ADGRL2: variants seen among roughly 807,000 people sequenced by gnomAD.
The protein encoded by ADGRL2 is adhesion G protein-coupled receptor L2.
A neutral mutation model predicts 157.4 loss-of-function variants in ADGRL2; 44 were observed. That is an observed-to-expected ratio of 0.28 (90% CI 0.22 to 0.36). The LOEUF is 0.36. Ranked by LOEUF, ADGRL2 falls within the 10% of genes least tolerant of loss-of-function variation. The pLI is 1.00. For missense variants in ADGRL2, 1,510 were observed against 1,768.9 expected (o/e 0.85, Z 2.63); for synonymous variants, 585 against 624.7 (o/e 0.94, Z 0.95).
At chr1:81,587,956 A>G (rs548633383) in intron 3 of ADGRL2, among the ~76,000 whole-genome samples, 61 of 152,258 alleles carry the variant, frequency 4.0e-4, no homozygotes, top group Middle Eastern at 3.4e-3. Context: ...ACATGTTTCC[A>G]GTATAGTTAA....
At chr1:81,406,648 C>T (rs542592847) in intron 1 of ADGRL2, among the ~76,000 whole-genome samples, 1 of 152,306 alleles carries the variant, frequency 6.6e-6, no homozygotes, top group South Asian at 2.1e-4. Context: ...TCAACCATTG[C>T]TATTGATATT....
chr1:81,588,060 G>T (rs1287805762), intron 3 of ADGRL2, among the ~76,000 whole-genome samples: 1 of 152,090 alleles, frequency 6.6e-6, no homozygotes, highest in East Asian at 1.9e-4. Context: ...GTGCTCTTGG[G>T]TGGAGGGAAA....
intron 1 of ADGRL2, among the ~76,000 whole-genome samples, chr1:81,440,578 G>C (rs1201313064): frequency 6.6e-6 from 1 of 152,106 alleles, no homozygotes; most frequent in Non-Finnish European, 1.5e-5. Flanking sequence ...AAAATTTCTA[G>C]TTCTAGTTTC....
chr1:81,584,261 A>C (rs567720653), intron 3 of ADGRL2, among the ~76,000 whole-genome samples: 2 of 152,292 alleles, frequency 1.3e-5, no homozygotes, highest in South Asian at 4.2e-4. Flanking sequence ...CTTATTAGCA[A>C]ATAACCCTCA....
At chr1:81,538,000 G>A (rs181935768) in intron 2 of ADGRL2, among the ~76,000 whole-genome samples, 55 of 152,092 alleles carry the variant, frequency 3.6e-4, no homozygotes, top group Middle Eastern at 3.4e-3. Context: ...ATGCCCGGCC[G>A]TGTCTCCTTG....
At chr1:81,601,067 A>G (rs940691165) in intron 3 of ADGRL2, among the ~76,000 whole-genome samples, 2 of 152,216 alleles carry the variant, frequency 1.3e-5, no homozygotes, top group South Asian at 4.1e-4. Context: ...AGAGGAGGGC[A>G]TGACTAGCAA....
chr1:81,925,786 T>C (rs759174610), intron 3 of ADGRL2, among the ~76,000 whole-genome samples: 12 of 152,156 alleles, frequency 7.9e-5, no homozygotes, highest in Non-Finnish European at 1.2e-4. Flanking sequence ...GTGGAAATTA[T>C]ATTAGTTATC....
At chr1:81,731,962 C>T (rs2084740915) in intron 1 of ADGRL2, among the ~76,000 whole-genome samples, 1 of 152,192 alleles carries the variant, frequency 6.6e-6, no homozygotes, top group Non-Finnish European at 1.5e-5. Context: ...GCTATCCAAA[C>T]ATTGTTCCAA....
intron 1 of ADGRL2, among the ~76,000 whole-genome samples, chr1:81,748,122 G>A (rs1319387027): frequency 2.0e-5 from 3 of 151,800 alleles, no homozygotes; most frequent in Non-Finnish European, 2.9e-5. Flanking sequence ...TATTATAATG[G>A]TATCATTGGA....
chr1:81,793,896 AT>A (rs1217578724), intron 2 of ADGRL2, among the ~76,000 whole-genome samples: 1 of 152,064 alleles, frequency 6.6e-6, no homozygotes, highest in Admixed American at 6.6e-5. Flanking sequence ...TTACCCACAA[AT>A]TTATTTTTAA....
In ADGRL2 at chr1:81,333,227, G is replaced by A. The variant is rs1043654940; in HGVS notation, c.-302+26718G>A. On this transcript the variant is annotated intron_variant, in intron 1 of 24. Transcript: ENST00000370721. ...ACCCGGATCTGGACTTTTTATTGCC[G>A]ACCTGGGCTTCTATCCTAAATCTGC... Among the ~76,000 whole-genome samples, 8 of 151,948 alleles carry A rather than the reference G, an allele frequency of 5.3e-5. No homozygotes were observed. The East Asian group carries it at 9.7e-4, about 18-fold the overall frequency.
intron 2 of ADGRL2, among the ~76,000 whole-genome samples, chr1:81,864,774 C>CA (rs2093487871): frequency 6.6e-6 from 1 of 152,096 alleles, no homozygotes; most frequent in African/African-American, 2.4e-5. Flanking sequence ...AAAGCCTGGC[C>CA]AACATGGCGA....
rs1437814119 is a variant in ADGRL2 at position 81,722,846 on chromosome 1, G to A, written c.-143+23038G>A. ...TCTTTTCCAGGTGGCTTTCCTGGGG[G>A]AAATGCCTGGTAATTTTCCCAGAGG... On this transcript the variant is annotated intron_variant, in intron 1 of 20. Transcript: ENST00000359929. 1.1e-5 allele frequency: 8 copies of A among 704,730 alleles called. No homozygotes were observed. The East Asian group carries it at 2.0e-4, about 17-fold the overall frequency. 43.7% of individuals were successfully genotyped at this position (704,730 alleles called of 1,614,324 possible).
chr1:81,404,154 G>T (rs1399201705), intron 1 of ADGRL2, among the ~76,000 whole-genome samples: 2 of 152,052 alleles, frequency 1.3e-5, no homozygotes, highest in African/African-American at 4.8e-5. Context: ...TTAAATATTA[G>T]TTCACTCTAC....
intron 3 of ADGRL2, among the ~76,000 whole-genome samples, chr1:81,922,669 C>T (rs944292216): frequency 1.3e-5 from 2 of 152,054 alleles, no homozygotes; most frequent in Non-Finnish European, 2.9e-5. Flanking sequence ...TAGGATATAA[C>T]AGCACGTAAT....
At chr1:81,803,898 G>C (rs528775875) in intron 1 of ADGRL2, among the ~76,000 whole-genome samples, 1 of 152,310 alleles carries the variant, frequency 6.6e-6, no homozygotes, top group South Asian at 2.1e-4. Context: ...GTCCCACCGA[G>C]TTTGCTCTTT....
chr1:81,889,112 A>T (rs1031113556), intron 2 of ADGRL2, among the ~76,000 whole-genome samples: 2 of 152,162 alleles, frequency 1.3e-5, no homozygotes, highest in Non-Finnish European at 2.9e-5. Flanking sequence ...GAAATTAACC[A>T]ATTAATAATC....
In ADGRL2 at chr1:81,403,799, A is replaced by ATT. The variant is rs200477492; in HGVS notation, c.-301-41222_-301-41221dup. ...GTAGTCAGTAAAGCCAATGTCTTTG[A>ATT]TTTTTTTTTTTTTTTTGAGACAGAA... On this transcript the variant is annotated intron_variant, in intron 1 of 24. Transcript: ENST00000370721. 7.0e-3 allele frequency among the ~76,000 whole-genome samples: 975 copies of ATT among 139,236 alleles called. 13 individuals carry two copies. The highest frequency in any genetic ancestry group is 0.02 in the Admixed American group (273 of 13,676). The allele number at this position is 139,236 out of a possible 152,430, so 91.3% of individuals were successfully genotyped here. A position where few individuals can be genotyped will look rare whatever the true frequency, so the allele number is the denominator to read the frequency against.
chr1:81,392,032 C>T (rs574499276), intron 1 of ADGRL2, among the ~76,000 whole-genome samples: 1 of 152,206 alleles, frequency 6.6e-6, no homozygotes, highest in Admixed American at 6.5e-5. Context: ...GTCACAAAAT[C>T]ATACGACTTG....
Sources: allele counts gnomAD v4.1 joint callset (sites outside exome capture counted in the v4.1 genomes callset), GRCh38; gene constraint gnomAD v4.1.1; transcripts MANE v1.5; gene names NCBI Gene and HGNC (gene_info 2026-07-23, HGNC 2026-07-21).